The following PPP1R17 variants were observed in gnomAD, a reference collection of about 807,000 sequenced individuals.
The protein encoded by PPP1R17 is G-substrate.
Under a neutral mutation model 15.9 loss-of-function variants are expected in PPP1R17, and 12 were observed. The observed-to-expected ratio is 0.75, with a 90% CI of 0.48 to 1.22. The LOEUF (loss-of-function observed/expected upper bound fraction) is 1.22, where lower values mean the gene tolerates loss of function less well. PPP1R17 is among the 50% of genes most tolerant of loss of function. PPP1R17 has a pLI of 0.00. For missense variants in PPP1R17, 211 were observed against 187.3 expected (o/e 1.13, Z -0.74); for synonymous variants, 63 against 64.5 (o/e 0.98, Z 0.11).
intron 4 of PPP1R17, among the ~76,000 whole-genome samples, chr7:31,699,867 G>C (rs940299504): frequency 3.3e-5 from 5 of 151,542 alleles, no homozygotes; most frequent in African/African-American, 1.2e-4. Context: ...ATTGTTTTGG[G>C]GTGCCACAGA....
chr7:31,691,630 G>A (rs572893046), intron 1 of PPP1R17, among the ~76,000 whole-genome samples: 1 of 151,988 alleles, frequency 6.6e-6, no homozygotes, highest in Admixed American at 6.5e-5. Flanking sequence ...CAGGAAAGAT[G>A]GAGGGTGGGG....
chr7:31,696,424 TG>T (rs1448072165), intron 3 of PPP1R17, among the ~76,000 whole-genome samples: 1 of 152,126 alleles, frequency 6.6e-6, no homozygotes, highest in Non-Finnish European at 1.5e-5. Flanking sequence ...GAGCTCAGTG[TG>T]GGTAGTGAAT....
chr7:31,707,454 T>G lies in PPP1R17; in HGVS notation c.*171T>G. The stretch of plus-strand genomic sequence containing the variant: ...TCAAATTGCCAGTCACCTCTTTGTC[T>G]CTCTCTTCTTTCTGAGTATGGTTTC... On this transcript the variant is annotated 3_prime_UTR_variant, in exon 5 of 5. Transcript: ENST00000342032. 1.7e-6 allele frequency: 1 copy of G among 586,466 alleles called. No homozygotes were observed. The allele number at this position is 586,466 out of a possible 1,614,324, so 36.3% of individuals were successfully genotyped here.
intron 1 of PPP1R17, among the ~76,000 whole-genome samples, chr7:31,688,545 C>T (rs556372428): frequency 6.6e-6 from 1 of 152,268 alleles, no homozygotes; most frequent in African/African-American, 2.4e-5. Flanking sequence ...TTTCTGGCAC[C>T]CAGTTCCTTC....
Position 31,695,595 on chromosome 7 carries a change from C to T in PPP1R17, c.209C>T (p.Ala70Val), listed in dbSNP as rs141112620. 156 of 1,613,534 alleles carry T rather than the reference C, an allele frequency of 9.7e-5. No homozygotes were observed. The African/African-American group carries it at 1.3e-3, about 13-fold the overall frequency. ...AAACCAAGGAGGAAAGATACACCGGCGCTGCACATCCCACCTTTCATACCA... is the reference window on the plus strand; with the variant it reads ...AAACCAAGGAGGAAAGATACACCGGTGCTGCACATCCCACCTTTCATACCA... ...QKKPRRKDTP[A>V]LHIPPFIPGV... Residue 70 changes from alanine to valine, a missense_variant, in exon 3 of 5, where the codon GCG becomes GTG. Ala to Val is a moderately conservative substitution (Grantham distance 64). Coordinates refer to ENST00000342032, the MANE Select transcript of PPP1R17 (RefSeq NM_006658.5).
chr7:31,688,853 G>C (rs1792217249), intron 1 of PPP1R17, among the ~76,000 whole-genome samples: 1 of 152,152 alleles, frequency 6.6e-6, no homozygotes, highest in Admixed American at 6.5e-5. Context: ...ACAACCAGAA[G>C]AGTAATTCGA....
rs368493958 is a variant in PPP1R17 at position 31,705,265 on chromosome 7, A to G, written c.389-1939A>G. ...AGTTTCCAGGGTACCAAAAGTAACC[A>G]GAAAGTTGATCTGGATTTGGGAACT... On this transcript the variant is annotated intron_variant, in intron 4 of 4. Transcript: ENST00000342032. Among the ~76,000 whole-genome samples the G allele has an allele frequency of 5.1e-3, 781 of 152,312 alleles. 8 individuals carry two copies. The highest frequency in any genetic ancestry group is 0.017 in the African/African-American group (716 of 41,580).
chr7:31,704,594 A>C (rs1481876637), intron 4 of PPP1R17, among the ~76,000 whole-genome samples: 1 of 152,234 alleles, frequency 6.6e-6, no homozygotes, highest in East Asian at 1.9e-4. Flanking sequence ...TGTATTGTCC[A>C]GTGATTCCTA....
In PPP1R17 at chr7:31,697,039, C is replaced by A. The variant is rs375877250; in HGVS notation, c.310C>A (p.Leu104Ile). ...RHPKGKMIPV[L>I]HNTDLEQKKP... is the part of the protein sequence containing the mutation. ...TCCAAAGGGCAAAATGATCCCTGTTCTTCATAACACTGACCTGGAACAGAA... is the reference window on the plus strand; with the variant it reads ...TCCAAAGGGCAAAATGATCCCTGTTATTCATAACACTGACCTGGAACAGAA... Residue 104 changes from leucine to isoleucine, a missense_variant, in exon 4 of 5, where the codon CTT becomes ATT. Coordinates refer to ENST00000342032, the MANE Select transcript of PPP1R17 (RefSeq NM_006658.5). 5.6e-6 allele frequency: 9 copies of A among 1,614,016 alleles called. No homozygotes were observed. The Admixed American group carries it at 1.5e-4, about 27-fold the overall frequency.
In PPP1R17 at chr7:31,707,695, C is replaced by T. The variant is rs1793131654; in HGVS notation, c.*412C>T. 1 of 168,308 alleles carries T rather than the reference C, an allele frequency of 5.9e-6. No homozygotes were observed. The highest frequency in any genetic ancestry group is 1.3e-5 in the Non-Finnish European group (1 of 78,056). The allele number at this position is 168,308 out of a possible 1,614,324, so 10.4% of individuals were successfully genotyped here. ...TCCAAGCACCAGTCCAAGTGGGGTTCCCTGTTGCCAGTTAGAGAGGTGAGA... is the reference window on the plus strand; with the variant it reads ...TCCAAGCACCAGTCCAAGTGGGGTTTCCTGTTGCCAGTTAGAGAGGTGAGA... On this transcript the variant is annotated 3_prime_UTR_variant, in exon 5 of 5. Transcript: ENST00000342032.
chr7:31,700,824 A>C (rs1792816781), intron 4 of PPP1R17, among the ~76,000 whole-genome samples: 1 of 152,178 alleles, frequency 6.6e-6, no homozygotes, highest in South Asian at 2.1e-4. Flanking sequence ...AAATGGAACT[A>C]CAAAGCCTGG....
At chr7:31,696,764 C>T (rs1792600855) in intron 3 of PPP1R17, among the ~76,000 whole-genome samples, 1 of 152,128 alleles carries the variant, frequency 6.6e-6, no homozygotes, top group South Asian at 2.1e-4. Flanking sequence ...ATCAAGCATG[C>T]AAAACCTTTT....
intron 4 of PPP1R17, among the ~76,000 whole-genome samples, chr7:31,705,986 A>ATTTTTTTTTTTTTTTTT (rs550189867): frequency 5.7e-5 from 3 of 52,514 alleles, no homozygotes; most frequent in African/African-American, 7.5e-5. Flanking sequence ...CAGACCAGTA[A>ATTTTTTTTTTTTTTTTT]TTTTTTTTTT....
intron 4 of PPP1R17, among the ~76,000 whole-genome samples, chr7:31,701,049 T>C (rs554522501): frequency 6.6e-6 from 1 of 151,492 alleles, no homozygotes; most frequent in African/African-American, 2.5e-5. Context: ...ATTGAGGAGT[T>C]ACTTCGACTT....
At chr7:31,702,631 C>G (rs950767631) in intron 4 of PPP1R17, among the ~76,000 whole-genome samples, 3 of 152,174 alleles carry the variant, frequency 2.0e-5, no homozygotes, top group African/African-American at 7.2e-5. Context: ...TTAGTATTGT[C>G]TTTATTCTTC....
chr7:31,693,216 G>A (rs1792431994), intron 2 of PPP1R17, among the ~76,000 whole-genome samples: 1 of 152,084 alleles, frequency 6.6e-6, no homozygotes, highest in Non-Finnish European at 1.5e-5. Flanking sequence ...AAGTGCAATT[G>A]AAGTAAAAGT....
chr7:31,690,243 T>C (rs749498814), intron 1 of PPP1R17, among the ~76,000 whole-genome samples: 43 of 152,244 alleles, frequency 2.8e-4, no homozygotes, highest in Non-Finnish European at 4.6e-4. Flanking sequence ...TCTAGCGTGG[T>C]AGATAGACAA....
chr7:31,690,796 C>G (rs1368128551), intron 1 of PPP1R17, among the ~76,000 whole-genome samples: 1 of 152,148 alleles, frequency 6.6e-6, no homozygotes, highest in Non-Finnish European at 1.5e-5. Context: ...AATGATTACT[C>G]TGATTCTAAG....
At chr7:31,697,822 T>A (rs1428999587) in intron 4 of PPP1R17, among the ~76,000 whole-genome samples, 1 of 152,202 alleles carries the variant, frequency 6.6e-6, no homozygotes, top group African/African-American at 2.4e-5. Flanking sequence ...TGGATTTTTA[T>A]AAATTAACTG....
Sources: gnomAD v4.1 joint callset for allele counts (sites outside exome capture counted in the v4.1 genomes callset) on GRCh38, gnomAD v4.1.1 for gene constraint, MANE v1.5 for transcripts, NCBI Gene and HGNC (gene_info 2026-07-23, HGNC 2026-07-21) for gene names.